FAM217A: variants seen among roughly 807,000 people sequenced by gnomAD.
FAM217A encodes protein FAM217A.
In FAM217A, 13 loss-of-function variants were observed where a neutral mutation model predicts 18.5. That is an observed-to-expected ratio of 0.70 (90% CI 0.46 to 1.12). FAM217A has a LOEUF of 1.12. Ranked by LOEUF, FAM217A falls within the 50% of genes most tolerant of loss-of-function variation. The probability of loss-of-function intolerance (pLI) is 0.00; values close to 1 mark genes in which losing one functional copy is unlikely to be tolerated. For missense variants in FAM217A, 560 were observed against 575.4 expected (o/e 0.97, Z 0.27); for synonymous variants, 161 against 202.8 (o/e 0.79, Z 1.75).
intron 4 of FAM217A, 73 bp downstream of exon 4, chr6:4,074,369 AT>A: frequency 3.0e-6 from 4 of 1,317,028 alleles, no homozygotes; most frequent in East Asian, 2.4e-5. Context: ...CAGGAAGAAA[AT>A]TTTTTTAAAG....
At chr6:4,076,618 C>A (rs652980) in intron 2 of FAM217A, among the ~76,000 whole-genome samples, 2 of 151,462 alleles carry the variant, frequency 1.3e-5, no homozygotes, top group African/African-American at 4.9e-5. Context: ...GTAGCTCACA[C>A]CTGTAATCCC....
upstream of FAM217A, among the ~76,000 whole-genome samples, chr6:4,080,089 T>A (rs907667405): frequency 6.6e-6 from 1 of 152,120 alleles, no homozygotes; most frequent in African/African-American, 2.4e-5. Flanking sequence ...TACTAAACAT[T>A]TGGGGGGATG....
chr6:4,082,044 C>G (rs1770337105), upstream of FAM217A, among the ~76,000 whole-genome samples: 1 of 152,168 alleles, frequency 6.6e-6, no homozygotes, highest in African/African-American at 2.4e-5. Flanking sequence ...CCCCACTCAA[C>G]TGGTCTTCCT....
rs1769653812 is a variant in FAM217A, at chr6:4,074,639, T to C, written c.83A>G (p.Asp28Gly). The change falls in exon 3 of 7, where the codon GAT (aspartate) becomes GGT (glycine). Residue 28 changes from aspartate to glycine, a missense_variant. Transcript: ENST00000274673. Reference sequence around the variant, plus strand: ...ATTTTCAGAAACAGGTACTTCTGAATCCAAATTCCAGTGAGATAAGTTCTA... The same window carrying C: ...ATTTTCAGAAACAGGTACTTCTGAACCCAAATTCCAGTGAGATAAGTTCTA... ...SQENLSHWNL[D>G]SEVPVSENKN... is the part of the protein sequence containing the mutation. 7 of 1,612,612 alleles carry C rather than the reference T, an allele frequency of 4.3e-6. No individual in the cohort carries two copies. Among genetic ancestry groups the C allele is most frequent in the Non-Finnish European group, 5.1e-6 (6 of 1,178,688 alleles).
intron 6 of FAM217A, among the ~76,000 whole-genome samples, chr6:4,070,394 G>A (rs2113856179): frequency 6.6e-6 from 1 of 152,164 alleles, no homozygotes; most frequent in Non-Finnish European, 1.5e-5. Flanking sequence ...TAGCCACTGT[G>A]GTTTTTAAAA....
intron 2 of FAM217A, among the ~76,000 whole-genome samples, chr6:4,076,027 T>C (rs1005195142): frequency 1.3e-4 from 20 of 152,062 alleles, no homozygotes; most frequent in Non-Finnish European, 2.9e-5. Context: ...AATCCTGATT[T>C]TAAAGAATGA....
chr6:4,068,523 A>G lies in FAM217A; in HGVS notation c.*173T>C, dbSNP rs1769173304. Reference sequence around the variant, plus strand: ...TCAGTATAGAAGCCTGTGGGTTTATATATAGACATCTCAGCAGTGCTTTTC... The same window carrying G: ...TCAGTATAGAAGCCTGTGGGTTTATGTATAGACATCTCAGCAGTGCTTTTC... On this transcript the variant is annotated 3_prime_UTR_variant, in exon 7 of 7. Coordinates refer to ENST00000274673, the MANE Select transcript of FAM217A (RefSeq NM_173563.3). 12 of 610,296 alleles carry G rather than the reference A, an allele frequency of 2.0e-5. No individual in the cohort carries two copies. In the South Asian group the frequency reaches 2.1e-4, roughly 11 times the overall value. 37.8% of individuals were successfully genotyped at this position (610,296 alleles called of 1,614,324 possible). A position where few individuals can be genotyped will look rare whatever the true frequency, so the allele number is the denominator to read the frequency against.
chr6:4,075,251 T>C (rs1290284619), intron 2 of FAM217A, among the ~76,000 whole-genome samples: 2 of 152,088 alleles, frequency 1.3e-5, no homozygotes, highest in African/African-American at 4.8e-5. Context: ...GGAGAATCGC[T>C]TGAACCCAGG....
In FAM217A at chr6:4,068,723, CT is replaced by C. The variant is rs1561917506; in HGVS notation, c.1499del (p.Lys500SerfsTer19). 4 of 1,609,060 alleles carry C rather than the reference CT, an allele frequency of 2.5e-6. No homozygotes were observed. The highest frequency in any genetic ancestry group is 2.5e-6 in the Non-Finnish European group (3 of 1,178,940). ...ATTTTTGTTCAATGGGTGAGCAGCA[CT>C]TATCCTTAGCAATAAGGGAAGGCGA... ...CLSPSLIAKDKCCSPIEQK is the reference protein window; with the variant it reads ...CLSPSLIAKDXCCSPIEQK On this transcript the variant is annotated frameshift_variant, in exon 7 of 7. Coordinates refer to ENST00000274673, the MANE Select transcript of FAM217A (RefSeq NM_173563.3). LOFTEE classifies it high-confidence loss of function.
At chr6:4,082,191 T>C (rs1003155692), upstream of FAM217A, among the ~76,000 whole-genome samples, 7 of 152,262 alleles carry the variant, frequency 4.6e-5, no homozygotes, top group East Asian at 7.7e-4. Context: ...CTCCAAACCC[T>C]TGGGTCTGGT....
upstream of FAM217A, chr6:4,087,267 G>T (rs562317183): frequency 8.2e-6 from 10 of 1,216,252 alleles, no homozygotes; most frequent in Non-Finnish European, 1.0e-5. Context: ...CCAGACGCAA[G>T]ACTGGAGTTT....
chr6:4,071,852 G>A (rs1177673181), intron 6 of FAM217A, among the ~76,000 whole-genome samples: 5 of 152,022 alleles, frequency 3.3e-5, no homozygotes, highest in Non-Finnish European at 7.4e-5. Flanking sequence ...CTGATAACAA[G>A]TGAACCACTC....
At chr6:4,084,894 G>A (rs1032043606) in intron 1 of FAM217A, 33 of 662,598 alleles carry the variant, frequency 5.0e-5, no homozygotes, top group Non-Finnish European at 9.0e-5. Flanking sequence ...CCAGAGTCAT[G>A]CAGCTGCTGC....
chr6:4,085,993 T>C (rs1385745489), intron 1 of FAM217A, among the ~76,000 whole-genome samples: 1 of 151,852 alleles, frequency 6.6e-6, no homozygotes, highest in Non-Finnish European at 1.5e-5. Flanking sequence ...TGCACACCTA[T>C]AGACTCAGCT....
At chr6:4,070,178 C>T (rs1769309472) in intron 6 of FAM217A, among the ~76,000 whole-genome samples, 1 of 152,178 alleles carries the variant, frequency 6.6e-6, no homozygotes, top group African/African-American at 2.4e-5. Flanking sequence ...GATTATGACA[C>T]CTAAAACGGC....
intron 6 of FAM217A, among the ~76,000 whole-genome samples, chr6:4,070,960 C>T (rs1769364526): frequency 6.6e-6 from 1 of 151,600 alleles, no homozygotes; most frequent in African/African-American, 2.4e-5. Flanking sequence ...TGCACCACTA[C>T]ACCCCAGCCT....
At chr6:4,072,517 C>G (rs1410173140) in intron 6 of FAM217A, among the ~76,000 whole-genome samples, 3 of 150,426 alleles carry the variant, frequency 2.0e-5, no homozygotes, top group African/African-American at 4.9e-5. Context: ...AATCCCAGAA[C>G]TTTGGGAGGC....
chr6:4,069,326 CAT>C lies in FAM217A; in HGVS notation c.895_896del (p.Met299AspfsTer20), dbSNP rs775323200. ...RLLELERLQH[M>X]TIQKERPRLQ... ...GTCTTGGCCTCTCTTTTTGAATAGTCATATGTTGTAATCGTTCTAGTTCCAGT... is the reference window on the plus strand; with the variant it reads ...GTCTTGGCCTCTCTTTTTGAATAGTCATGTTGTAATCGTTCTAGTTCCAGT... On this transcript the variant is annotated frameshift_variant, in exon 7 of 7. Coordinates refer to ENST00000274673, the MANE Select transcript of FAM217A (RefSeq NM_173563.3). LOFTEE classifies it low-confidence loss of function (END_TRUNC). 4.3e-6 allele frequency: 7 copies of C among 1,613,974 alleles called. No individual in the cohort carries two copies. The highest frequency in any genetic ancestry group is 2.7e-5 in the African/African-American group (2 of 74,880).
Position 4,069,430 on chromosome 6 carries a change from C to T in FAM217A, c.793G>A (p.Ala265Thr), listed in dbSNP as rs201522294. ...TTCCAATTGTCAGATTTGGAGAGGGCTAAATTGTGCAAGTCTAGAGCACTG... is the reference window on the plus strand; with the variant it reads ...TTCCAATTGTCAGATTTGGAGAGGGTTAAATTGTGCAAGTCTAGAGCACTG... Reference protein sequence around the residue: ...PFSALDLHNLALSKSDNWKVT... With the variant: ...PFSALDLHNLTLSKSDNWKVT... The change falls in exon 7 of 7, where the codon GCC (alanine) becomes ACC (threonine). Residue 265 changes from alanine to threonine, a missense_variant. Physicochemically the swap from Ala to Thr is moderately conservative, Grantham distance 58. Coordinates refer to ENST00000274673, the MANE Select transcript of FAM217A (RefSeq NM_173563.3). 1.9e-6 allele frequency: 3 copies of T among 1,614,108 alleles called. No individual in the cohort carries two copies. The highest frequency in any genetic ancestry group is 2.5e-6 in the Non-Finnish European group (3 of 1,180,022).
Sources: gnomAD v4.1 joint callset for allele counts (sites outside exome capture counted in the v4.1 genomes callset) on GRCh38, gnomAD v4.1.1 for gene constraint, MANE v1.5 for transcripts, NCBI Gene and HGNC (gene_info 2026-07-23, HGNC 2026-07-21) for gene names.